TIAM1: variants seen among roughly 807,000 people sequenced by gnomAD.
TIAM1 encodes rho guanine nucleotide exchange factor TIAM1.
A neutral mutation model predicts 163.5 loss-of-function variants in TIAM1; 65 were observed. The ratio of observed to expected loss-of-function variants is 0.40; its 90% CI spans 0.33 to 0.49. The LOEUF (loss-of-function observed/expected upper bound fraction) is 0.49, where lower values mean the gene tolerates loss of function less well. TIAM1 is among the 20% of genes least tolerant of loss of function. TIAM1 has a pLI of 0.77. For missense variants in TIAM1, 1,789 were observed against 2,044.7 expected, an observed-to-expected ratio of 0.87 and a Z score of 2.41; for synonymous variants, 833 against 810.1, an observed-to-expected ratio of 1.03 and a Z score of -0.48.
chr21:31,357,471 T>C (rs1399567039), intron 2 of TIAM1, among the ~76,000 whole-genome samples: 1 of 152,206 alleles, frequency 6.6e-6, no homozygotes, highest in Non-Finnish European at 1.5e-5. Context: ...CCTGTTGATG[T>C]AGACAACTAT....
intron 10 of TIAM1, among the ~76,000 whole-genome samples, chr21:31,211,694 T>G (rs28472795): frequency 6.6e-6 from 1 of 152,182 alleles, no homozygotes; most frequent in African/African-American, 2.4e-5. Flanking sequence ...AGGGAAGGAA[T>G]TGTCAAAAAG....
chr21:31,237,347 G>GAC (rs1212642851), intron 6 of TIAM1, among the ~76,000 whole-genome samples: 3 of 152,238 alleles, frequency 2.0e-5, no homozygotes, highest in Non-Finnish European at 2.9e-5. Flanking sequence ...CCTCAAGTCT[G>GAC]ACACACACAG....
chr21:31,268,931 T>G (rs2072922523), intron 3 of TIAM1, among the ~76,000 whole-genome samples: 1 of 152,106 alleles, frequency 6.6e-6, no homozygotes, highest in Admixed American at 6.6e-5. Context: ...TGCCAATAAA[T>G]AAAGACTTAG....
At chr21:31,550,374 G>A (rs1039998371) in intron 1 of TIAM1, among the ~76,000 whole-genome samples, 1 of 151,990 alleles carries the variant, frequency 6.6e-6, no homozygotes, top group African/African-American at 2.4e-5. Flanking sequence ...AATGAAAGAA[G>A]CCGGTCACAA....
intron 2 of TIAM1, among the ~76,000 whole-genome samples, chr21:31,361,593 G>A (rs1249397834): frequency 2.6e-5 from 4 of 152,120 alleles, no homozygotes; most frequent in African/African-American, 4.8e-5. Flanking sequence ...TCCTGTAGAC[G>A]AATATTTCCC....
intron 2 of TIAM1, among the ~76,000 whole-genome samples, chr21:31,317,730 A>G (rs568626897): frequency 6.6e-6 from 1 of 152,264 alleles, no homozygotes; most frequent in African/African-American, 2.4e-5. Context: ...TAGTGAGCCG[A>G]CATCACACCA....
At chr21:31,439,973 G>A (rs1241865525) in intron 2 of TIAM1, among the ~76,000 whole-genome samples, 1 of 152,174 alleles carries the variant, frequency 6.6e-6, no homozygotes, top group Non-Finnish European at 1.5e-5. Flanking sequence ...ATTGTCAATA[G>A]GGTCTTGATC....
chr21:31,203,407 G>A (rs2086301443), intron 11 of TIAM1, among the ~76,000 whole-genome samples: 1 of 152,232 alleles, frequency 6.6e-6, no homozygotes, highest in South Asian at 2.1e-4. Flanking sequence ...ACAGGCGTGG[G>A]CCACTGCTCC....
rs112412832 is a variant in TIAM1 at position 31,544,028 on chromosome 21, A to G, written c.-422+14899T>C. ...AGTTCAAGACCAACCTGGCGAACAC[A>G]GCGAAAACCCATCTGTATTAAAAAT... On this transcript the variant is annotated intron_variant, in intron 1 of 28. Coordinates refer to the TIAM1 transcript ENST00000286827. Among the ~76,000 whole-genome samples the G allele has an allele frequency of 2.1e-3, 314 of 152,100 alleles. 3 individuals carry two copies. Among genetic ancestry groups the G allele is most frequent in the African/African-American group, 7.3e-3 (304 of 41,498 alleles).
intron 9 of TIAM1, among the ~76,000 whole-genome samples, chr21:31,213,866 C>CAAAAAAAAAAAAAAAAAAAAAAAA (rs35524539): frequency 1.8e-5 from 1 of 54,878 alleles, no homozygotes; most frequent in African/African-American, 6.2e-5. Flanking sequence ...CTCATCTCTA[C>CAAAAAAAAAAAAAAAAAAAAAAAA]AAAAAAAAAA....
chr21:31,226,263 C>T (rs765855655), intron 6 of TIAM1, among the ~76,000 whole-genome samples: 58 of 152,170 alleles, frequency 3.8e-4, no homozygotes, highest in Admixed American at 1.3e-4. Flanking sequence ...GGTGTCTACT[C>T]ACGAGGGTTG....
chr21:31,512,978 A>C (rs1411685508), intron 1 of TIAM1, among the ~76,000 whole-genome samples: 1 of 152,102 alleles, frequency 6.6e-6, no homozygotes, highest in Admixed American at 6.5e-5. Flanking sequence ...GGAAAACTAT[A>C]ATGTTCTAAA....
rs371962651 is a variant in TIAM1 at position 31,266,891 on chromosome 21, G to A, written c.82C>T (p.Arg28Cys). Reference sequence around the variant, plus strand: ...GTCTTGTGCGAGAGGCGCAGGGAGCGGGAAGTGTGCTTGCGCCCCAGGCTG... The same window carrying A: ...GTCTTGTGCGAGAGGCGCAGGGAGCAGGAAGTGTGCTTGCGCCCCAGGCTG... ...HASLGRKHTS[R>C]SLRLSHKTRR... Residue 28 changes from arginine to cysteine, a missense_variant, in exon 4 of 28, where the codon CGC (arginine) becomes TGC (cysteine). Arg to Cys is a radical substitution (Grantham distance 180, BLOSUM62 -3). This residue lies in a region of TIAM1 where 555 missense variants were observed against 564.9 expected (regional missense o/e 0.98). Transcript: ENST00000541036. 2.9e-5 allele frequency: 47 copies of A among 1,613,780 alleles called. No homozygotes were observed. The highest frequency in any genetic ancestry group is 6.7e-5 in the African/African-American group (5 of 74,928).
At chr21:31,173,056 CA>C (rs1443399085) in intron 15 of TIAM1, among the ~76,000 whole-genome samples, 1 of 152,148 alleles carries the variant, frequency 6.6e-6, no homozygotes, top group African/African-American at 2.4e-5. Flanking sequence ...TGGGGAAGTA[CA>C]AACATATTAG....
intron 2 of TIAM1, among the ~76,000 whole-genome samples, chr21:31,385,431 A>C (rs1198639711): frequency 6.6e-6 from 1 of 152,132 alleles, no homozygotes; most frequent in Non-Finnish European, 1.5e-5. Flanking sequence ...GCTACGAAAG[A>C]AGGGTGGGGT....
intron 2 of TIAM1, among the ~76,000 whole-genome samples, chr21:31,302,234 A>G (rs1040470314): frequency 1.3e-5 from 2 of 152,168 alleles, no homozygotes; most frequent in Non-Finnish European, 2.9e-5. Flanking sequence ...CTTATATAAA[A>G]TTAAACCTTT....
intron 2 of TIAM1, among the ~76,000 whole-genome samples, chr21:31,372,845 T>C (rs1282452168): frequency 6.6e-6 from 1 of 151,742 alleles, no homozygotes; most frequent in African/African-American, 2.4e-5. Flanking sequence ...TTCCTGAGGT[T>C]GGGAGTTCGA....
intron 1 of TIAM1, among the ~76,000 whole-genome samples, chr21:31,518,678 C>T (rs939319046): frequency 1.3e-5 from 2 of 152,030 alleles, no homozygotes; most frequent in Non-Finnish European, 1.5e-5. Flanking sequence ...ATAATGCAGG[C>T]GAGCCAGTAT....
chr21:31,362,988 C>T (rs1215495726), intron 2 of TIAM1, among the ~76,000 whole-genome samples: 3 of 151,986 alleles, frequency 2.0e-5, no homozygotes, highest in East Asian at 1.9e-4. Context: ...CTCTGTACTG[C>T]ACCTCCATAC....
Sources: gnomAD v4.1 joint callset for allele counts (sites outside exome capture counted in the v4.1 genomes callset) on GRCh38, gnomAD v4.1.1 for gene constraint, gnomAD v4.1.1 regional missense constraint, MANE v1.5 for transcripts, NCBI Gene and HGNC (gene_info 2026-07-23, HGNC 2026-07-21) for gene names.